The following PHF20L1 variants were observed in gnomAD, a reference collection of about 807,000 sequenced individuals.
The protein encoded by PHF20L1 is PHD finger protein 20 like 1.
PHF20L1 carries 44 observed loss-of-function variants against 125.5 expected under a neutral mutation model. The ratio of observed to expected loss-of-function variants is 0.35; its 90% CI spans 0.28 to 0.45. The LOEUF is 0.45. Among genes scored for constraint, PHF20L1 ranks in the 20% least tolerant of loss-of-function variants. The pLI is 1.00. For missense variants in PHF20L1, 1,012 were observed against 1,217.2 expected (o/e 0.83, Z 2.51); for synonymous variants, 380 against 403.1 (o/e 0.94, Z 0.69).
At chr8:132,780,337 C>T (rs1830286986) in intron 2 of PHF20L1, among the ~76,000 whole-genome samples, 1 of 151,992 alleles carries the variant, frequency 6.6e-6, no homozygotes, top group Non-Finnish European at 1.5e-5. Context: ...GGATAATAAA[C>T]TTAATTCTTC....
At chr8:132,819,070 C>G (rs1180625279) in intron 12 of PHF20L1, 2 of 151,856 alleles carry the variant, frequency 1.3e-5, no homozygotes, top group Non-Finnish European at 2.9e-5. Flanking sequence ...TTGCTTCTAA[C>G]CAGATTATTA....
intron 15 of PHF20L1, among the ~76,000 whole-genome samples, chr8:132,835,415 C>T (rs1004908842): frequency 2.0e-5 from 3 of 152,070 alleles, no homozygotes; most frequent in Non-Finnish European, 4.4e-5. Flanking sequence ...AACATTTCTC[C>T]ATCCAAACTA....
At chr8:132,819,489 C>T (rs1263370441) in intron 12 of PHF20L1, among the ~76,000 whole-genome samples, 1 of 151,130 alleles carries the variant, frequency 6.6e-6, no homozygotes, top group Non-Finnish European at 1.5e-5. Context: ...CATGTTCTGA[C>T]TGAACACCTT....
chr8:132,799,825 G>A (rs955034707), intron 6 of PHF20L1: 35 of 151,802 alleles, frequency 2.3e-4, no homozygotes, highest in African/African-American at 7.2e-4. Flanking sequence ...CAAAAATTTA[G>A]TTATGAAATG....
intron 15 of PHF20L1, among the ~76,000 whole-genome samples, chr8:132,836,157 CTG>C (rs1415666312): frequency 6.6e-6 from 1 of 152,080 alleles, no homozygotes; most frequent in Non-Finnish European, 1.5e-5. Context: ...TGGTGTCACA[CTG>C]ATACTATGAA....
intron 14 of PHF20L1, among the ~76,000 whole-genome samples, chr8:132,827,737 C>T (rs10089998): frequency 0.41 from 62,515 of 151,752 alleles, 13,008 homozygotes; most frequent in South Asian, 0.51. Flanking sequence ...GAACCCTTTA[C>T]AAAGAGCCAT....
chr8:132,843,857 C>G lies in PHF20L1; in HGVS notation c.2749-299C>G. 3 of 985,176 alleles carry G rather than the reference C, an allele frequency of 3.0e-6. No individual in the cohort carries two copies. In the South Asian group the frequency reaches 1.4e-4, roughly 46 times the overall value. 61.0% of individuals were successfully genotyped at this position (985,176 alleles called of 1,614,324 possible). On this transcript the variant is annotated intron_variant, in intron 19 of 20. Coordinates refer to ENST00000395386, the MANE Select transcript of PHF20L1 (RefSeq NM_016018.5). ...GAGGAAGAGGCCAGTCTAAATTAAT[C>G]AGGAATTCTAATTACACAATAGAAT...
intron 2 of PHF20L1, among the ~76,000 whole-genome samples, chr8:132,781,154 T>C (rs1830382160): frequency 6.6e-6 from 1 of 151,962 alleles, no homozygotes; most frequent in Non-Finnish European, 1.5e-5. Context: ...AAAAGGAAAA[T>C]AGTTTCTGGT....
intron 10 of PHF20L1, chr8:132,815,633 GTGAATA>G (rs900017115): frequency 6.6e-6 from 1 of 151,874 alleles, no homozygotes; most frequent in Admixed American, 6.6e-5. Flanking sequence ...GATCAGTTGA[GTGAATA>G]TGACATGTTT....
chr8:132,828,173 ATTCT>A (rs1347100764), intron 14 of PHF20L1, among the ~76,000 whole-genome samples: 3 of 152,008 alleles, frequency 2.0e-5, no homozygotes, highest in Admixed American at 2.0e-4. Flanking sequence ...GAGTTTCAAA[ATTCT>A]TTCTTTTATT....
At chr8:132,841,277 G>A (rs183978374) in intron 18 of PHF20L1, among the ~76,000 whole-genome samples, 6 of 152,170 alleles carry the variant, frequency 3.9e-5, no homozygotes, top group African/African-American at 1.4e-4. Flanking sequence ...TCATTTCATT[G>A]TTGGGTAGTG....
chr8:132,812,623 A>G, intron 9 of PHF20L1: 1 of 984,466 alleles, frequency 1.0e-6, no homozygotes. Flanking sequence ...CTCATTTTCT[A>G]CTTGTCATTC....
chr8:132,820,098 C>T (rs2131724591), intron 12 of PHF20L1, among the ~76,000 whole-genome samples: 1 of 151,680 alleles, frequency 6.6e-6, no homozygotes, highest in East Asian at 2.0e-4. Flanking sequence ...GGGTGGATGC[C>T]CACATGTCTA....
chr8:132,844,790 CAGG>C (rs977987552), intron 20 of PHF20L1, among the ~76,000 whole-genome samples: 7 of 152,086 alleles, frequency 4.6e-5, no homozygotes, highest in Admixed American at 1.3e-4. Flanking sequence ...TGTCATCACA[CAGG>C]AGGCCTGAAA....
In PHF20L1 at chr8:132,790,521, A is replaced by G. The variant is rs373260171; in HGVS notation, c.84-3889A>G. Reference sequence around the variant, plus strand: ...GCTATTTCAAAGCCCTTCAAGTTTCAACCAGGCTAACAAGTCCCATCTGAT... The same window carrying G: ...GCTATTTCAAAGCCCTTCAAGTTTCGACCAGGCTAACAAGTCCCATCTGAT... On this transcript the variant is annotated intron_variant, in intron 2 of 20. Coordinates refer to ENST00000395386, the MANE Select transcript of PHF20L1 (RefSeq NM_016018.5). 5.4e-4 allele frequency among the ~76,000 whole-genome samples: 83 copies of G among 152,314 alleles called. 1 individual carries two copies. Among genetic ancestry groups the G allele is most frequent in the African/African-American group, 1.9e-3 (80 of 41,564 alleles).
At chr8:132,781,024 T>A (rs56217800) in intron 2 of PHF20L1, among the ~76,000 whole-genome samples, 10,204 of 151,814 alleles carry the variant, frequency 0.067, 462 homozygotes, top group Middle Eastern at 0.12. Flanking sequence ...TAAAAAAAAA[T>A]TTTTTTTGTA....
In PHF20L1 at chr8:132,778,295, G is replaced by A. The variant is rs115986965; in HGVS notation, c.83+384G>A. 2.7e-3 allele frequency among the ~76,000 whole-genome samples: 418 copies of A among 152,196 alleles called. 4 individuals carry two copies. Among genetic ancestry groups the A allele is most frequent in the African/African-American group, 9.5e-3 (393 of 41,518 alleles). The stretch of plus-strand genomic sequence containing the variant: ...AATTTTGATTTAAATTGGTATTTTT[G>A]GTCTGTCAGTGGTAGTCTTTCAAAC... On this transcript the variant is annotated intron_variant, in intron 2 of 20. Transcript: ENST00000395386.
intron 8 of PHF20L1, chr8:132,806,419 G>A (rs1402556482): frequency 2.0e-5 from 3 of 151,966 alleles, no homozygotes; most frequent in Non-Finnish European, 2.9e-5. Context: ...CTTCCACGGT[G>A]GGATTTTCTC....
chr8:132,775,964 T>C (rs916621703), intron 1 of PHF20L1, among the ~76,000 whole-genome samples: 5 of 152,200 alleles, frequency 3.3e-5, no homozygotes, highest in African/African-American at 1.2e-4. Flanking sequence ...GGTCATTCTC[T>C]GACCATTGCT....
Sources: gnomAD v4.1 joint callset for allele counts (sites outside exome capture counted in the v4.1 genomes callset) on GRCh38, gnomAD v4.1.1 for gene constraint, MANE v1.5 for transcripts, NCBI Gene and HGNC (gene_info 2026-07-23, HGNC 2026-07-21) for gene names.